Variants in LRRC4C observed in about 807,000 individuals in gnomAD.
LRRC4C encodes the protein leucine-rich repeat-containing protein 4C.
LRRC4C carries 5 observed loss-of-function variants against 33.6 expected under a neutral mutation model. That is an observed-to-expected ratio of 0.15 (90% CI 0.08 to 0.31). The LOEUF (loss-of-function observed/expected upper bound fraction) is 0.31. LRRC4C is among the 10% of genes least tolerant of loss of function. The pLI, the probability that LRRC4C is intolerant of heterozygous loss-of-function variation, is 1.00. For synonymous variants in LRRC4C, 329 were observed against 302.0 expected (o/e 1.09, Z -0.93); for missense variants, 560 against 796.7 (o/e 0.70, Z 3.58).
chr11:41,436,457 A>T (rs375992523), intron 1 of LRRC4C, among the ~76,000 whole-genome samples: 2 of 152,324 alleles, frequency 1.3e-5, no homozygotes, highest in East Asian at 3.9e-4. Flanking sequence ...TTCTGTCAAG[A>T]CTAAGGAGGA....
intron 1 of LRRC4C, among the ~76,000 whole-genome samples, chr11:41,325,573 T>TGTG (rs386373678): frequency 1.1e-3 from 108 of 97,998 alleles, no homozygotes; most frequent in African/African-American, 1.2e-3. Context: ...ATAGTTTTTT[T>TGTG]TTTTTGTGTG....
intron 1 of LRRC4C, among the ~76,000 whole-genome samples, chr11:41,259,804 A>C (rs1311485341): frequency 6.6e-6 from 1 of 152,074 alleles, no homozygotes; most frequent in Non-Finnish European, 1.5e-5. Context: ...GTGTAGTAAG[A>C]TAATTTCTTT....
intron 2 of LRRC4C, among the ~76,000 whole-genome samples, chr11:40,930,247 T>A (rs115216369): frequency 0.013 from 1,949 of 152,290 alleles, 51 homozygotes; most frequent in African/African-American, 0.045. Flanking sequence ...CCAGCCAGTC[T>A]GAGATGAACA....
chr11:40,357,565 T>C (rs577069023), intron 3 of LRRC4C, among the ~76,000 whole-genome samples: 3 of 152,290 alleles, frequency 2.0e-5, no homozygotes, highest in African/African-American at 7.2e-5. Context: ...TTGCTCTTGC[T>C]TCTTTAATAG....
At chr11:40,998,659 C>T (rs369584575) in intron 1 of LRRC4C, among the ~76,000 whole-genome samples, 14 of 152,058 alleles carry the variant, frequency 9.2e-5, no homozygotes, top group African/African-American at 1.9e-4. Context: ...AAACTAGACA[C>T]GCATTCAAAT....
At chr11:41,146,272 A>G (rs1265958453) in intron 1 of LRRC4C, among the ~76,000 whole-genome samples, 1 of 152,138 alleles carries the variant, frequency 6.6e-6, no homozygotes, top group Admixed American at 6.6e-5. Context: ...ACCAAACATA[A>G]TATCTCCCCA....
intron 2 of LRRC4C, among the ~76,000 whole-genome samples, chr11:40,729,177 C>A (rs1377840083): frequency 1.3e-5 from 2 of 152,002 alleles, no homozygotes; most frequent in African/African-American, 4.8e-5. Context: ...TGTAAAAATG[C>A]ATGTTCAGTT....
intron 4 of LRRC4C, among the ~76,000 whole-genome samples, chr11:40,258,030 C>G (rs1024272957): frequency 6.6e-6 from 1 of 152,142 alleles, no homozygotes; most frequent in African/African-American, 2.4e-5. Flanking sequence ...TCTAAAATTA[C>G]AAGGTGGGCT....
chr11:40,331,621 G>T (rs902903863), intron 3 of LRRC4C, among the ~76,000 whole-genome samples: 5 of 152,176 alleles, frequency 3.3e-5, no homozygotes, highest in Admixed American at 6.5e-5. Flanking sequence ...GTGTGGGCAG[G>T]CATCATTCAA....
intron 2 of LRRC4C, among the ~76,000 whole-genome samples, chr11:40,805,152 T>A (rs1226411427): frequency 6.6e-6 from 1 of 152,206 alleles, no homozygotes; most frequent in East Asian, 1.9e-4. Context: ...AGAAATTGAA[T>A]CAATGAAATT....
chr11:41,408,840 C>T (rs558586222), intron 1 of LRRC4C, among the ~76,000 whole-genome samples: 29 of 151,728 alleles, frequency 1.9e-4, no homozygotes, highest in Non-Finnish European at 3.2e-4. Context: ...CAAGATTCCA[C>T]CACACGGCTG....
rs117134929 is a variant in LRRC4C at position 40,367,475 on chromosome 11, T to C, written c.-269-47754A>G. On this transcript the variant is annotated intron_variant, in intron 3 of 6. Transcript: ENST00000528697. ...ACTAGTATTTCTTGAAAAACTGTCA[T>C]CACTTTTTTCTGTCTTATTTTTTTC... 1.9e-3 allele frequency among the ~76,000 whole-genome samples: 292 copies of C among 152,246 alleles called. 1 individual carries two copies. The highest frequency in any genetic ancestry group is 0.01 in the Middle Eastern group (3 of 294).
chr11:41,004,301 A>G (rs539220509), intron 1 of LRRC4C, among the ~76,000 whole-genome samples: 1 of 152,292 alleles, frequency 6.6e-6, no homozygotes, highest in African/African-American at 2.4e-5. Context: ...AGTTTTCATT[A>G]TGACCTGCCT....
At chr11:41,078,446 C>T (rs1939316639) in intron 1 of LRRC4C, among the ~76,000 whole-genome samples, 1 of 152,156 alleles carries the variant, frequency 6.6e-6, no homozygotes, top group Non-Finnish European at 1.5e-5. Flanking sequence ...ATTTAATTGA[C>T]TCACAGTTTC....
At chr11:40,768,900 A>C (rs1949613770) in intron 2 of LRRC4C, among the ~76,000 whole-genome samples, 1 of 152,092 alleles carries the variant, frequency 6.6e-6, no homozygotes, top group African/African-American at 2.4e-5. Flanking sequence ...AAAATACTAA[A>C]AGTCTTTCCT....
chr11:40,193,147 C>T (rs1861984844), intron 5 of LRRC4C, among the ~76,000 whole-genome samples: 1 of 152,272 alleles, frequency 6.6e-6, no homozygotes, highest in Admixed American at 6.5e-5. Context: ...GACCCCTGTG[C>T]CTCCTGATGG....
At chr11:41,290,071 C>CCA (rs1949947668) in intron 1 of LRRC4C, among the ~76,000 whole-genome samples, 1 of 152,096 alleles carries the variant, frequency 6.6e-6, no homozygotes, top group African/African-American at 2.4e-5. Flanking sequence ...TATGTGTTTT[C>CCA]CACACACATT....
At chr11:41,166,937 G>C (rs2071484639) in intron 1 of LRRC4C, among the ~76,000 whole-genome samples, 1 of 152,088 alleles carries the variant, frequency 6.6e-6, no homozygotes, top group Admixed American at 6.6e-5. Flanking sequence ...CATACAAACT[G>C]AAGCTTAGAA....
In LRRC4C at chr11:40,270,109, G is replaced by A. The variant is rs79591088; in HGVS notation, c.-175-28511C>T. 3.2e-3 allele frequency among the ~76,000 whole-genome samples: 493 copies of A among 152,214 alleles called. 3 individuals carry two copies. Among genetic ancestry groups the A allele is most frequent in the African/African-American group, 0.012 (479 of 41,542 alleles). On this transcript the variant is annotated intron_variant, in intron 4 of 6. Transcript: ENST00000528697. Reference sequence around the variant, plus strand: ...TTCATGCTTGCTGGTGGAGATAAGGGGAGAATGTATTCCTTATTTCTTATG... The same window carrying A: ...TTCATGCTTGCTGGTGGAGATAAGGAGAGAATGTATTCCTTATTTCTTATG...
Sources: gnomAD v4.1 joint callset for allele counts (sites outside exome capture counted in the v4.1 genomes callset) on GRCh38, gnomAD v4.1.1 for gene constraint, MANE v1.5 for transcripts, NCBI Gene and HGNC (gene_info 2026-07-23, HGNC 2026-07-21) for gene names.